RUNX1T1: variants seen among roughly 807,000 people sequenced by gnomAD.
RUNX1T1 encodes protein CBFA2T1.
A neutral mutation model predicts 62.8 loss-of-function variants in RUNX1T1; 4 were observed. The observed-to-expected ratio is 0.06, with a 90% CI of 0.03 to 0.15. The LOEUF (loss-of-function observed/expected upper bound fraction) is 0.15, where lower values mean the gene tolerates loss of function less well. Ranked by LOEUF, RUNX1T1 falls within the 10% of genes least tolerant of loss-of-function variation. The pLI, the probability that RUNX1T1 is intolerant of heterozygous loss-of-function variation, is 1.00. For synonymous variants in RUNX1T1, 291 were observed against 286.0 expected (o/e 1.02, Z -0.18); for missense variants, 508 against 754.3 (o/e 0.67, Z 3.82).
chr8:92,005,179 G>A (rs772591721), exon 5 of RUNX1T1: 2 of 1,614,030 alleles, frequency 1.2e-6, no homozygotes, highest in South Asian at 2.2e-5. Context: ...GGAGTCAACA[G>A]GTGAGGTGGT....
chr8:92,015,075 G>A (rs1822727695), intron 2 of RUNX1T1, among the ~76,000 whole-genome samples: 1 of 152,014 alleles, frequency 6.6e-6, no homozygotes, highest in Non-Finnish European at 1.5e-5. Context: ...TGCAACCCAG[G>A]GCCAGCCCTG....
chr8:92,017,167 G>GA, intron 2 of RUNX1T1, 59 bp downstream of exon 3: 3 of 1,251,486 alleles, frequency 2.4e-6, no homozygotes, highest in Non-Finnish European at 3.4e-6. Flanking sequence ...TTCATTTGCA[G>GA]AAAAAAATTT....
chr8:92,088,941 C>T (rs1836560783), intron 1 of RUNX1T1, among the ~76,000 whole-genome samples: 2 of 152,208 alleles, frequency 1.3e-5, no homozygotes, highest in Admixed American at 1.3e-4. Flanking sequence ...AGACATTCTC[C>T]TTTGTGGCAA....
At chr8:92,103,002 G>T, upstream of RUNX1T1, 1 of 1,060,930 alleles carries the variant, frequency 9.4e-7, no homozygotes, top group Non-Finnish European at 1.3e-6. Flanking sequence ...GCGGCCACTC[G>T]CCCACGCGCG....
upstream of RUNX1T1, among the ~76,000 whole-genome samples, chr8:92,066,919 G>C (rs1276067187): frequency 1.3e-5 from 2 of 152,328 alleles, no homozygotes; most frequent in East Asian, 3.9e-4. Context: ...ATAAATGTCT[G>C]TTGTAAACAA....
intron 1 of RUNX1T1, among the ~76,000 whole-genome samples, chr8:92,024,497 CAAAAAAA>C (rs34547904): frequency 5.1e-4 from 9 of 17,534 alleles, no homozygotes; most frequent in Non-Finnish European, 9.2e-4. Flanking sequence ...AACCCCAACT[CAAAAAAA>C]AAAAAAAAAA....
At chr8:92,050,069 G>A (rs553477511) in intron 1 of RUNX1T1, among the ~76,000 whole-genome samples, 10 of 151,918 alleles carry the variant, frequency 6.6e-5, no homozygotes, top group Non-Finnish European at 1.5e-4. Context: ...CTTCTTCAAT[G>A]TTAAACATGT....
downstream of RUNX1T1, chr8:91,955,891 A>G (rs1486437230): frequency 8.7e-6 from 2 of 229,172 alleles, no homozygotes; most frequent in South Asian, 3.6e-4. Flanking sequence ...GAATGAAAAA[A>G]TATGTGTCAG....
chr8:91,997,800 GCCAAGTCCCATC>G (rs753097251), intron 5 of RUNX1T1, among the ~76,000 whole-genome samples: 70 of 152,246 alleles, frequency 4.6e-4, no homozygotes, highest in Non-Finnish European at 7.1e-4. Flanking sequence ...CCACAGCCCA[GCCAAGTCCCATC>G]CCTAGACTGT....
intron 1 of RUNX1T1, among the ~76,000 whole-genome samples, chr8:92,076,887 TG>T (rs998383517): frequency 6.6e-6 from 1 of 151,968 alleles, no homozygotes; most frequent in African/African-American, 2.4e-5. Flanking sequence ...ATCACTACTA[TG>T]AATAGAAAAA....
At chr8:91,957,398 G>A (rs1344867464), downstream of RUNX1T1, 1 of 227,622 alleles carries the variant, frequency 4.4e-6, no homozygotes, top group Non-Finnish European at 8.7e-6. Context: ...GAGGTAGAGT[G>A]AAACTTTTTG....
intron 5 of RUNX1T1, among the ~76,000 whole-genome samples, chr8:92,001,231 G>C (rs2976512): frequency 3.3e-5 from 5 of 151,592 alleles, no homozygotes; most frequent in Non-Finnish European, 5.9e-5. Flanking sequence ...TTTTTGTTTT[G>C]GTATGAAATG....
At chr8:91,991,522 G>A in intron 6 of RUNX1T1, 117 bp downstream of exon 7, 3 of 1,118,288 alleles carry the variant, frequency 2.7e-6, no homozygotes, top group Non-Finnish European at 3.9e-6. Flanking sequence ...TATAAAGCAA[G>A]ATATGAGAAT....
intron 1 of RUNX1T1, among the ~76,000 whole-genome samples, chr8:92,054,760 G>A (rs1053467318): frequency 1.3e-5 from 2 of 152,166 alleles, no homozygotes; most frequent in Non-Finnish European, 2.9e-5. Flanking sequence ...CCAGCACTTT[G>A]GGAGGCGGGC....
At chr8:91,956,697 C>G (rs1012487993), downstream of RUNX1T1, 2 of 225,584 alleles carry the variant, frequency 8.9e-6, no homozygotes, top group East Asian at 6.4e-5. Flanking sequence ...ACCCCACCCC[C>G]CAGTGTTAGT....
chr8:92,019,205 T>C (rs982702989), intron 1 of RUNX1T1: 1 of 152,112 alleles, frequency 6.6e-6, no homozygotes, highest in African/African-American at 2.4e-5. Flanking sequence ...CAGCAGCAAA[T>C]ACAAGTCTCC....
chr8:92,021,146 T>A (rs562122344), intron 1 of RUNX1T1, among the ~76,000 whole-genome samples: 1 of 152,204 alleles, frequency 6.6e-6, no homozygotes, highest in African/African-American at 2.4e-5. Context: ...GTTAGTCATA[T>A]TTGAATAAGT....
intron 2 of RUNX1T1, among the ~76,000 whole-genome samples, chr8:92,070,384 T>C (rs1833491589): frequency 6.6e-6 from 1 of 152,166 alleles, no homozygotes; most frequent in Non-Finnish European, 1.5e-5. Context: ...TATACTGATG[T>C]TGAAAAGAGA....
intron 1 of RUNX1T1, among the ~76,000 whole-genome samples, chr8:92,037,943 A>G (rs1378783441): frequency 6.6e-6 from 1 of 151,976 alleles, no homozygotes; most frequent in Non-Finnish European, 1.5e-5. Flanking sequence ...TTCAACATCA[A>G]TGTCACCTTC....
Sources: gnomAD v4.1 joint callset for allele counts (sites outside exome capture counted in the v4.1 genomes callset) on GRCh38, gnomAD v4.1.1 for gene constraint, MANE v1.5 for transcripts, NCBI Gene and HGNC (gene_info 2026-07-23, HGNC 2026-07-21) for gene names.